Variants in AP3B2 observed in about 807,000 individuals in gnomAD.
AP3B2 encodes AP-3 complex subunit beta-2.
A neutral mutation model predicts 126.9 loss-of-function variants in AP3B2; 50 were observed. The ratio of observed to expected loss-of-function variants is 0.39; its 90% CI spans 0.31 to 0.50. The LOEUF is 0.50. Ranked by LOEUF, AP3B2 falls within the 20% of genes least tolerant of loss-of-function variation. The probability of loss-of-function intolerance (pLI) is 0.79; values close to 1 mark genes in which losing one functional copy is unlikely to be tolerated. For synonymous variants in AP3B2, 541 were observed against 565.0 expected (o/e 0.96, Z 0.60); for missense variants, 1,177 against 1,426.4 (o/e 0.83, Z 2.82).
intron 1 of AP3B2, chr15:82,699,862 A>T (rs907501522): frequency 2.5e-6 from 1 of 399,764 alleles, no homozygotes; most frequent in Non-Finnish European, 4.4e-6. Context: ...CGGGAGCTGC[A>T]GGAATCGCTG....
In AP3B2 at chr15:82,690,642, C is replaced by CTTTTTTT. The variant is rs147811093; in HGVS notation, c.114-1196_114-1190dup. On this transcript the variant is annotated intron_variant, in intron 1 of 26. Coordinates refer to ENST00000535359, the MANE Select transcript of AP3B2 (RefSeq NM_001278512.2). ...TGTATATGTGCCACATTTTCTTCTT[C>CTTTTTTT]TTTTTTTTTTTTTTTTTTTTTTTTT... 1.0e-3 allele frequency among the ~76,000 whole-genome samples: 71 copies of CTTTTTTT among 68,920 alleles called. 2 individuals carry two copies. Among genetic ancestry groups the CTTTTTTT allele is most frequent in the African/African-American group, 2.6e-3 (40 of 15,116 alleles). The allele number at this position is 68,920 out of a possible 152,430, so 45.2% of individuals were successfully genotyped here.
At chr15:82,700,948 C>A (rs1409597458) in intron 1 of AP3B2, among the ~76,000 whole-genome samples, 1 of 151,464 alleles carries the variant, frequency 6.6e-6, no homozygotes, top group Non-Finnish European at 1.5e-5. Flanking sequence ...GTAATCTCCA[C>A]CTCCCGGGTT....
chr15:82,662,796 G>A lies in AP3B2; in HGVS notation c.2731C>T (p.His911Tyr), dbSNP rs367663532. The A allele has an allele frequency of 9.3e-6, 15 of 1,613,716 alleles. No homozygotes were observed. The highest frequency in any genetic ancestry group is 4.0e-5 in the African/African-American group (3 of 74,936). ...FSGDPHMVSV[H>Y]IHFSNSSDTP... ...TCAGAGCTGTTGGAGAAGTGGATGT[G>A]CACGGACACCATGTGGGGATCCCCG... The change falls in exon 23 of 27, where the codon CAC becomes TAC. Residue 911 changes from histidine (H) to tyrosine (Y), a missense_variant. His to Tyr is a moderately conservative substitution (Grantham distance 83, BLOSUM62 2). Around this residue, in one of 5 missense-constraint regions of AP3B2, gnomAD observed 587 missense variants for 571.3 expected, o/e 1.03. Transcript: ENST00000535359.
At chr15:82,677,072 C>T (rs545695161) in intron 13 of AP3B2, among the ~76,000 whole-genome samples, 5 of 152,290 alleles carry the variant, frequency 3.3e-5, no homozygotes, top group African/African-American at 4.8e-5. Flanking sequence ...TAAAGTCCAT[C>T]GTGCTCATTG....
At chr15:82,698,812 C>T (rs1054627022) in intron 1 of AP3B2, among the ~76,000 whole-genome samples, 3 of 152,088 alleles carry the variant, frequency 2.0e-5, no homozygotes, top group African/African-American at 7.2e-5. Flanking sequence ...AGGGCATCCT[C>T]CCCACCCAGC....
intron 4 of AP3B2, among the ~76,000 whole-genome samples, chr15:82,682,047 C>CT (rs769028602): frequency 0.22 from 17,485 of 79,504 alleles, 2,586 homozygotes; most frequent in Admixed American, 0.29. Context: ...TAGGCCCTTC[C>CT]TTTTTTTTTT....
At position 82,680,802 on chromosome 15, in the gene AP3B2, C is replaced by T; in HGVS notation, c.771+35G>A. The T allele has an allele frequency of 6.2e-7, 1 of 1,610,744 alleles. No homozygotes were observed. The highest frequency in any genetic ancestry group is 2.2e-5 in the East Asian group (1 of 44,840). Reference sequence around the variant, plus strand: ...TCTGTGGGCGCCTCCCCGGGACACACTTCGGCCCGCTCTGCCTGGGCTGGG... The same window carrying T: ...TCTGTGGGCGCCTCCCCGGGACACATTTCGGCCCGCTCTGCCTGGGCTGGG... On this transcript the variant is annotated intron_variant, in intron 7 of 26. Coordinates refer to ENST00000535359, the MANE Select transcript of AP3B2 (RefSeq NM_001278512.2). The surrounding 1 kb of genome is among the most constrained non-coding windows in gnomAD (Gnocchi z 6.1).
chr15:82,695,229 A>G (rs1389062345), intron 1 of AP3B2, among the ~76,000 whole-genome samples: 1 of 151,540 alleles, frequency 6.6e-6, no homozygotes, highest in Non-Finnish European at 1.5e-5. Flanking sequence ...CCTTCCAAAT[A>G]GCTGGGACTA....
At position 82,709,846 on chromosome 15, in the gene AP3B2, G is replaced by A. The variant is rs1359923757; in HGVS notation, c.-140C>T. The stretch of plus-strand genomic sequence containing the variant: ...AGGGGTTCAGCAGAGGCTGCAGTGT[G>A]CAGCGGCGGAGGCTGCGCGCGGATT... On this transcript the variant is annotated 5_prime_UTR_variant, in exon 1 of 27. Transcript: ENST00000535359. The A allele has an allele frequency of 1.4e-5, 8 of 573,928 alleles. No homozygotes were observed. The East Asian group carries it at 1.8e-4, about 13-fold the overall frequency. The allele number at this position is 573,928 out of a possible 1,614,324, so 35.6% of individuals were successfully genotyped here. A position where few individuals can be genotyped will look rare whatever the true frequency, so the allele number is the denominator to read the frequency against.
At chr15:82,704,249 A>G (rs778578474) in intron 1 of AP3B2, among the ~76,000 whole-genome samples, 1 of 152,194 alleles carries the variant, frequency 6.6e-6, no homozygotes, top group Non-Finnish European at 1.5e-5. Flanking sequence ...TATTCTCAAT[A>G]TACATTTTAT....
chr15:82,680,344 G>A lies in AP3B2; in HGVS notation c.1056-115C>T. ...GGGAGAGGACCAGTGCGGAGGGCAG[G>A]ACTACGGTCAGTGTGGAGCGGGTGG... is the stretch of plus-strand genomic sequence containing the variant. On this transcript the variant is annotated intron_variant, in intron 8 of 26. Transcript: ENST00000535359. This position sits in a 1 kb window ranked among gnomAD's most constrained non-coding sequence, Gnocchi z 6.1. 1.3e-6 allele frequency: 2 copies of A among 1,526,574 alleles called. No individual in the cohort carries two copies. Among genetic ancestry groups the A allele is most frequent in the South Asian group, 2.4e-5 (2 of 84,906 alleles). The allele number at this position is 1,526,574 out of a possible 1,614,324, so 94.6% of individuals were successfully genotyped here.
At chr15:82,670,199 T>C (rs1596173322) in intron 14 of AP3B2, among the ~76,000 whole-genome samples, 2 of 119,600 alleles carry the variant, frequency 1.7e-5, no homozygotes, top group African/African-American at 6.6e-5. Flanking sequence ...AACCTCCGCC[T>C]CCCGGGTTCA....
intron 11 of AP3B2, 83 bp from the exon 12 acceptor site, chr15:82,677,886 T>A: frequency 6.8e-7 from 1 of 1,476,768 alleles, no homozygotes; most frequent in Non-Finnish European, 9.0e-7. Flanking sequence ...TTTCATTTTA[T>A]GGCTTATCAT....
intron 14 of AP3B2, among the ~76,000 whole-genome samples, chr15:82,668,087 G>T (rs193001181): frequency 6.6e-5 from 10 of 152,320 alleles, no homozygotes; most frequent in Non-Finnish European, 1.2e-4. Flanking sequence ...ATCTGGCAGG[G>T]ACATCAAGCA....
Position 82,664,373 on chromosome 15 carries a change from C to T in AP3B2, c.2255G>A (p.Ser752Asn). ...QDEDEEKGRG[S>N]ESEQSEEDGK... ...TGGCTAGCTCCCTTCTCACCTCTCA[C>T]TGCCTCTCCCTTTCTCCTCATCCTC... Residue 752 changes from serine to asparagine, a missense_variant, in exon 19 of 27, where the codon AGT becomes AAT. Ser to Asn is a conservative substitution (Grantham distance 46). Around this residue, in one of 5 missense-constraint regions of AP3B2, gnomAD observed 587 missense variants for 571.3 expected, o/e 1.03. Transcript: ENST00000535359. The surrounding 1 kb of genome is among the most constrained non-coding windows in gnomAD (Gnocchi z 4.5). The T allele has an allele frequency of 2.5e-6, 4 of 1,613,956 alleles. No individual in the cohort carries two copies. The highest frequency in any genetic ancestry group is 2.2e-5 in the South Asian group (2 of 91,084).
chr15:82,691,803 G>A lies in AP3B2; in HGVS notation c.114-2350C>T, dbSNP rs926112831. 92 of 1,466,640 alleles carry A rather than the reference G, an allele frequency of 6.3e-5. No individual in the cohort carries two copies. In the African/African-American group the frequency reaches 8.9e-4, roughly 14 times the overall value. 90.9% of individuals were successfully genotyped at this position (1,466,640 alleles called of 1,614,324 possible). On this transcript the variant is annotated intron_variant, in intron 1 of 26. Coordinates refer to ENST00000535359, the MANE Select transcript of AP3B2 (RefSeq NM_001278512.2). ...GAGTCACGGCCCCTTGACCCAAACC[G>A]AGACTGTGAGTAGCCATAGCTGGTG...
chr15:82,707,797 A>C (rs2048820029), intron 1 of AP3B2, among the ~76,000 whole-genome samples: 1 of 152,104 alleles, frequency 6.6e-6, no homozygotes, highest in Non-Finnish European at 1.5e-5. Flanking sequence ...CCTATACAAC[A>C]AATGTTTCTT....
At chr15:82,691,818 C>T in intron 1 of AP3B2, 1 of 1,417,012 alleles carries the variant, frequency 7.1e-7, no homozygotes, top group Non-Finnish European at 1.0e-6. Context: ...TGTGAGTAGC[C>T]ATAGCTGGTG....
chr15:82,663,720 G>A (rs2047998603), intron 20 of AP3B2, 81 bp downstream of exon 20: 3 of 1,600,764 alleles, frequency 1.9e-6, no homozygotes, highest in South Asian at 2.2e-5. Context: ...ATGGTAGGGA[G>A]ATAGATGTCT....
Sources: allele counts gnomAD v4.1 joint callset (sites outside exome capture counted in the v4.1 genomes callset), GRCh38; gene constraint gnomAD v4.1.1; regional missense constraint gnomAD v4.1.1; non-coding constraint Gnocchi (gnomAD v3.1); transcripts MANE v1.5; gene names NCBI Gene and HGNC (gene_info 2026-07-23, HGNC 2026-07-21).